Variants in LOXL2 observed in about 807,000 individuals in gnomAD.
LOXL2 encodes the protein lysyl oxidase like 2, also known as lysyl oxidase homolog 2.
LOXL2 carries 70 observed loss-of-function variants against 93.0 expected under a neutral mutation model. That is an observed-to-expected ratio of 0.75 (90% CI 0.62 to 0.92). The LOEUF (loss-of-function observed/expected upper bound fraction) is 0.92, where lower values mean the gene tolerates loss of function less well. LOXL2 is among the 40% of genes least tolerant of loss of function. The pLI, the probability that LOXL2 is intolerant of heterozygous loss-of-function variation, is 0.00. For synonymous variants in LOXL2, 438 were observed against 413.2 expected, an observed-to-expected ratio of 1.06 and a Z score of -0.73; for missense variants, 973 against 1,054.9, an observed-to-expected ratio of 0.92 and a Z score of 1.08.
chr8:23,322,684 C>A (rs769397791), intron 6 of LOXL2, among the ~76,000 whole-genome samples: 5 of 152,112 alleles, frequency 3.3e-5, no homozygotes, highest in Non-Finnish European at 5.9e-5. Flanking sequence ...AGGGTCCCTG[C>A]AGGAAACAGA....
chr8:23,298,871 T>A lies in LOXL2; in HGVS notation c.2210A>T (p.Asp737Val), dbSNP rs1401627803. 6.2e-7 allele frequency: 1 copy of A among 1,613,802 alleles called. No homozygotes were observed. Among genetic ancestry groups the A allele is most frequent in the Non-Finnish European group, 8.5e-7 (1 of 1,179,856 alleles). ...NNIMKCRSRYDGHRIWMYNCH... is the reference protein window; with the variant it reads ...NNIMKCRSRYVGHRIWMYNCH... ...GTTGTACATCCAGATGCGGTGGCCG[T>A]CATAGCGGCTCCTGCATTTCATGAT... is the stretch of plus-strand genomic sequence containing the variant. Residue 737 changes from aspartate to valine, a missense_variant, in exon 13 of 14, where the codon GAC becomes GTC. Transcript: ENST00000389131.
rs182260770 is a variant in LOXL2 at position 23,392,411 on chromosome 8, T to C, written c.-84+11543A>G. ...GGGACCATTCATCAAGGTAATGTCA[T>C]CCACAGGGTAGTGGCATATAGAGAG... On this transcript the variant is annotated intron_variant, in intron 1 of 13. Transcript: ENST00000389131. 1.4e-3 allele frequency among the ~76,000 whole-genome samples: 206 copies of C among 152,296 alleles called. 3 individuals carry two copies. The highest frequency in any genetic ancestry group is 9.0e-4 in the Non-Finnish European group (61 of 68,022).
chr8:23,380,378 C>T (rs1003418628), intron 1 of LOXL2, among the ~76,000 whole-genome samples: 12 of 126,480 alleles, frequency 9.5e-5, no homozygotes, highest in African/African-American at 2.2e-4. Context: ...CGTGACAGAG[C>T]GAGACTCCGT....
chr8:23,356,423 C>T (rs971686486), intron 3 of LOXL2, among the ~76,000 whole-genome samples: 2 of 152,192 alleles, frequency 1.3e-5, no homozygotes, highest in African/African-American at 2.4e-5. Flanking sequence ...TTTGGAGAAA[C>T]GTCTCAGCAT....
In LOXL2 at chr8:23,328,500, A is replaced by G; in HGVS notation, c.1032T>C (p.Asn344=). Residue 344 remains asparagine (N), a synonymous_variant, in exon 6 of 14, where the codon AAT becomes AAC. Coordinates refer to ENST00000389131, the MANE Select transcript of LOXL2 (RefSeq NM_002318.3). ...IGEGRVEVLK[N]GEWGTVCDDK... is the part of the protein sequence containing the mutation. ...CGTCGCAGACGGTCCCCCATTCTCC[A>G]TTTTTGAGCACCTCCACGCGGCCCT... 6.2e-7 allele frequency: 1 copy of G among 1,613,882 alleles called. No individual in the cohort carries two copies. The highest frequency in any genetic ancestry group is 2.2e-5 in the East Asian group (1 of 44,836).
At chr8:23,399,940 C>T (rs1330484970) in intron 1 of LOXL2, among the ~76,000 whole-genome samples, 4 of 152,192 alleles carry the variant, frequency 2.6e-5, no homozygotes, top group Non-Finnish European at 5.9e-5. Flanking sequence ...TGGATGGAAT[C>T]GGGTTGACCA....
At chr8:23,357,073 C>CT (rs897361564) in intron 3 of LOXL2, among the ~76,000 whole-genome samples, 185 of 145,024 alleles carry the variant, frequency 1.3e-3, no homozygotes, top group East Asian at 2.0e-3. Context: ...TTTCAGTCTT[C>CT]TTTTTTTTTT....
chr8:23,341,396 A>AT (rs1803881300), intron 3 of LOXL2, 193 bp from the exon 4 acceptor site: 1 of 607,328 alleles, frequency 1.6e-6, no homozygotes, highest in Non-Finnish European at 3.0e-6. Context: ...AGCGCTATGC[A>AT]TGGGAGATAG....
intron 2 of LOXL2, among the ~76,000 whole-genome samples, chr8:23,361,535 A>G (rs954713389): frequency 6.6e-6 from 1 of 152,066 alleles, no homozygotes; most frequent in Non-Finnish European, 1.5e-5. Flanking sequence ...CACCCTTAGG[A>G]TGGCTACTAT....
At chr8:23,383,251 C>T (rs1014031958) in intron 1 of LOXL2, among the ~76,000 whole-genome samples, 1 of 152,136 alleles carries the variant, frequency 6.6e-6, no homozygotes, top group Non-Finnish European at 1.5e-5. Context: ...CTGTCTGAAT[C>T]CTGCCTGCCC....
chr8:23,343,918 G>A (rs1241539862), intron 3 of LOXL2, among the ~76,000 whole-genome samples: 2 of 152,226 alleles, frequency 1.3e-5, no homozygotes, highest in Non-Finnish European at 2.9e-5. Context: ...TAACTGTCAT[G>A]CCCAGAAGGA....
At chr8:23,363,177 A>G (rs935177998) in intron 2 of LOXL2, 1 of 152,246 alleles carries the variant, frequency 6.6e-6, no homozygotes, top group African/African-American at 2.4e-5. Context: ...AGAGAAAAGC[A>G]AATAAAAACA....
chr8:23,308,683 G>A (rs758253156), intron 10 of LOXL2, among the ~76,000 whole-genome samples: 14 of 152,216 alleles, frequency 9.2e-5, no homozygotes, highest in Non-Finnish European at 2.1e-4. Flanking sequence ...AAGGTAAGAG[G>A]ATGAGCAGAT....
intron 3 of LOXL2, among the ~76,000 whole-genome samples, chr8:23,353,472 A>G (rs1430826849): frequency 6.6e-5 from 10 of 152,222 alleles, no homozygotes; most frequent in Non-Finnish European, 1.5e-5. Context: ...GAGGCCCAAG[A>G]AGGGTCAGTG....
At chr8:23,336,333 G>C (rs940353532) in intron 4 of LOXL2, 1 of 152,408 alleles carries the variant, frequency 6.6e-6, no homozygotes, top group Non-Finnish European at 1.5e-5. Flanking sequence ...CCTCTAGCAC[G>C]TTCAGGCCTC....
At chr8:23,375,190 T>C (rs1161023105) in intron 1 of LOXL2, among the ~76,000 whole-genome samples, 1 of 152,234 alleles carries the variant, frequency 6.6e-6, no homozygotes, top group Non-Finnish European at 1.5e-5. Flanking sequence ...CAGCACCATT[T>C]ATTAAATAGG....
intron 1 of LOXL2, among the ~76,000 whole-genome samples, chr8:23,371,924 T>G (rs1804502662): frequency 6.6e-6 from 1 of 152,008 alleles, no homozygotes; most frequent in African/African-American, 2.4e-5. Flanking sequence ...CATGTTGTAA[T>G]CTTTATAGGA....
rs1331915282 is a variant in LOXL2 at position 23,313,310 on chromosome 8, T to C, written c.1637-3399A>G. Among the ~76,000 whole-genome samples, 6 of 152,234 alleles carry C rather than the reference T, an allele frequency of 3.9e-5. No individual in the cohort carries two copies. In the East Asian group the frequency reaches 1.2e-3, roughly 29 times the overall value. On this transcript the variant is annotated intron_variant, in intron 9 of 13. Transcript: ENST00000389131. ...GGAAAAAACTACTTTAAAGTTCATG[T>C]GGAGCCAAAAAAGAGCCCGCATCAC... is the stretch of plus-strand genomic sequence containing the variant.
At chr8:23,310,856 C>T (rs1187059844) in intron 9 of LOXL2, among the ~76,000 whole-genome samples, 1 of 152,202 alleles carries the variant, frequency 6.6e-6, no homozygotes, top group Non-Finnish European at 1.5e-5. Context: ...TGACTGATGG[C>T]TACAATCTAC....
Sources: gnomAD v4.1 joint callset for allele counts (sites outside exome capture counted in the v4.1 genomes callset) on GRCh38, gnomAD v4.1.1 for gene constraint, MANE v1.5 for transcripts, NCBI Gene and HGNC (gene_info 2026-07-23, HGNC 2026-07-21) for gene names.